Variants in USP34 observed in about 807,000 individuals in gnomAD.
USP34 encodes the protein ubiquitin specific peptidase 34, also known as ubiquitin carboxyl-terminal hydrolase 34.
In USP34, 70 loss-of-function variants were observed where a neutral mutation model predicts 460.3. The observed-to-expected ratio is 0.15, with a 90% CI of 0.13 to 0.19. The LOEUF is 0.19. USP34 is among the 10% of genes least tolerant of loss of function. The pLI is 1.00. For missense variants in USP34, 3,985 were observed against 4,236.2 expected, an observed-to-expected ratio of 0.94 and a Z score of 1.65; for synonymous variants, 1,647 against 1,405.3, an observed-to-expected ratio of 1.17 and a Z score of -3.85.
At position 61,223,159 on chromosome 2, in the gene USP34, A is replaced by C; in HGVS notation, c.7650T>G (p.Phe2550Leu). Residue 2550 changes from phenylalanine (F) to leucine (L), a missense_variant, in exon 64 of 80, where the codon TTT becomes TTG. Transcript: ENST00000398571. ...DMAALTGGKG[F>L]PFLFQHIRDG... ...CACGAATATGTTGAAACAAGAAGGG[A>C]AATCCCTGTCAAAAGCAAAAGTTGT... 1 of 1,613,660 alleles carries C rather than the reference A, an allele frequency of 6.2e-7. No homozygotes were observed. The highest frequency in any genetic ancestry group is 8.5e-7 in the Non-Finnish European group (1 of 1,179,736).
chr2:61,350,605 A>C lies in USP34; in HGVS notation c.1340T>G (p.Leu447Arg). ...DPVPLRHLLN[L>R]VSALEPSVHT... ...AACACTTGGCTCAAGAGCTGAGACC[A>C]GATTAAGTAGATGTCTAAGTGGTAC... is the stretch of plus-strand genomic sequence containing the variant. Residue 447 changes from leucine (L) to arginine (R), a missense_variant, in exon 11 of 80, where the codon CTG becomes CGG. Coordinates refer to ENST00000398571, the MANE Select transcript of USP34 (RefSeq NM_014709.4). 6.2e-7 allele frequency: 1 copy of C among 1,613,902 alleles called. No homozygotes were observed. The highest frequency in any genetic ancestry group is 8.5e-7 in the Non-Finnish European group (1 of 1,179,880).
chr2:61,300,173 A>C (rs923466615), intron 29 of USP34, among the ~76,000 whole-genome samples: 4 of 152,156 alleles, frequency 2.6e-5, no homozygotes, highest in African/African-American at 9.6e-5. Context: ...ACATGTGTTT[A>C]TCCTCTGTTT....
At chr2:61,320,247 T>C (rs1406606716) in intron 21 of USP34, among the ~76,000 whole-genome samples, 6 of 152,204 alleles carry the variant, frequency 3.9e-5, no homozygotes, top group African/African-American at 7.2e-5. Context: ...CCAAATCGTA[T>C]CCCAGCATCT....
At chr2:61,436,645 T>C (rs1482977704) in intron 1 of USP34, among the ~76,000 whole-genome samples, 2 of 152,136 alleles carry the variant, frequency 1.3e-5, no homozygotes, top group African/African-American at 4.8e-5. Context: ...AGACAGAATA[T>C]AACAAAGAAA....
intron 3 of USP34, among the ~76,000 whole-genome samples, chr2:61,399,939 G>C (rs1280413124): frequency 6.9e-6 from 1 of 145,552 alleles, no homozygotes; most frequent in Non-Finnish European, 1.5e-5. Flanking sequence ...GGTAATCGCT[G>C]AGAAAGGCTT....
intron 3 of USP34, among the ~76,000 whole-genome samples, chr2:61,401,382 C>T (rs780141862): frequency 7.3e-5 from 11 of 151,502 alleles, no homozygotes; most frequent in Non-Finnish European, 1.3e-4. Flanking sequence ...GGACTACAGG[C>T]GTGCACCACT....
chr2:61,209,553 C>T (rs1355422517), intron 69 of USP34, among the ~76,000 whole-genome samples: 2 of 152,184 alleles, frequency 1.3e-5, no homozygotes, highest in Non-Finnish European at 2.9e-5. Context: ...ATGCATTACC[C>T]ACATGTCTCT....
At chr2:61,277,351 C>T (rs1689401962) in intron 41 of USP34, among the ~76,000 whole-genome samples, 1 of 151,898 alleles carries the variant, frequency 6.6e-6, no homozygotes, top group Non-Finnish European at 1.5e-5. Flanking sequence ...ATCCTCCCAC[C>T]TCAGCCTCCT....
At chr2:61,226,939 C>G in intron 62 of USP34, 128 bp downstream of exon 62, 1 of 1,085,076 alleles carries the variant, frequency 9.2e-7, no homozygotes, top group Non-Finnish European at 1.3e-6. Context: ...ATAATAAAAG[C>G]TAGTGAATAA....
intron 5 of USP34, among the ~76,000 whole-genome samples, chr2:61,384,407 T>C (rs994965807): frequency 2.0e-5 from 3 of 152,064 alleles, no homozygotes; most frequent in Admixed American, 6.5e-5. Context: ...CGGTGGCTCA[T>C]GCCTATAATC....
chr2:61,410,991 T>TA (rs199969470), intron 2 of USP34, among the ~76,000 whole-genome samples: 701 of 151,922 alleles, frequency 4.6e-3, no homozygotes, highest in Non-Finnish European at 5.0e-3. Context: ...GTTCCCATCC[T>TA]AAAAAAAACA....
At chr2:61,295,438 T>C (rs1689995314) in intron 30 of USP34, 148 bp from the exon 31 acceptor site, 2 of 803,566 alleles carry the variant, frequency 2.5e-6, no homozygotes, top group East Asian at 6.4e-5. Flanking sequence ...GGTATATAAC[T>C]GGCACAAATG....
chr2:61,448,375 T>C (rs533155977), intron 1 of USP34, among the ~76,000 whole-genome samples: 67 of 152,184 alleles, frequency 4.4e-4, no homozygotes, highest in African/African-American at 1.6e-3. Context: ...TCACCTTAGC[T>C]GAGGGGTTCA....
At chr2:61,469,548 C>A (rs1029197756) in intron 1 of USP34, among the ~76,000 whole-genome samples, 19 of 152,108 alleles carry the variant, frequency 1.2e-4, no homozygotes, top group Non-Finnish European at 7.4e-5. Flanking sequence ...AGAACCCTTC[C>A]ACTTTTATTA....
chr2:61,260,419 G>A (rs1227985430), intron 43 of USP34, among the ~76,000 whole-genome samples: 1 of 152,038 alleles, frequency 6.6e-6, no homozygotes, highest in African/African-American at 2.4e-5. Context: ...CTATAAAGTA[G>A]GTATTATTCT....
chr2:61,398,806 C>T (rs960099844), intron 3 of USP34, among the ~76,000 whole-genome samples: 2 of 152,048 alleles, frequency 1.3e-5, no homozygotes, highest in African/African-American at 4.8e-5. Context: ...CAGAACATTT[C>T]AAAATAAACA....
chr2:61,325,481 T>A (rs1449085865), intron 20 of USP34, 24 bp from the exon 21 acceptor site: 2 of 1,404,716 alleles, frequency 1.4e-6, no homozygotes, highest in Non-Finnish European at 9.5e-7. Context: ...GTCATTAAAA[T>A]AATTAAATAT....
intron 64 of USP34, 38 bp from the exon 65 acceptor site, chr2:61,222,701 TTTG>T: frequency 6.3e-7 from 1 of 1,586,062 alleles, no homozygotes; most frequent in Non-Finnish European, 8.6e-7. Flanking sequence ...ATATTCTTGT[TTTG>T]TTTTGTTTTT....
chr2:61,373,127 G>A (rs1692681770), intron 8 of USP34, among the ~76,000 whole-genome samples: 1 of 152,044 alleles, frequency 6.6e-6, no homozygotes, highest in Non-Finnish European at 1.5e-5. Flanking sequence ...ATGTCAAGAA[G>A]TTGAATGCAT....
Sources: allele counts gnomAD v4.1 joint callset (sites outside exome capture counted in the v4.1 genomes callset), GRCh38; gene constraint gnomAD v4.1.1; transcripts MANE v1.5; gene names NCBI Gene and HGNC (gene_info 2026-07-23, HGNC 2026-07-21).